The following ME1 variants were observed in gnomAD, a reference collection of about 807,000 sequenced individuals.
The protein encoded by ME1 is NADP-dependent malic enzyme.
Under a neutral mutation model 66.4 loss-of-function variants are expected in ME1, and 74 were observed. The ratio of observed to expected loss-of-function variants is 1.11; its 90% CI spans 0.92 to 1.35. The LOEUF (loss-of-function observed/expected upper bound fraction) is 1.35. Ranked by LOEUF, ME1 falls within the 40% of genes most tolerant of loss-of-function variation. The pLI is 0.00. For synonymous variants in ME1, 251 were observed against 235.6 expected (o/e 1.07, Z -0.60); for missense variants, 750 against 694.1 (o/e 1.08, Z -0.90).
intron 9 of ME1, 49 bp downstream of exon 9, chr6:83,237,668 C>A: frequency 1.9e-6 from 2 of 1,056,984 alleles, no homozygotes; most frequent in Non-Finnish European, 2.8e-6. Context: ...GATGGCCATC[C>A]AGAATGGCAT....
intron 6 of ME1, among the ~76,000 whole-genome samples, chr6:83,268,200 T>A (rs1364001857): frequency 6.6e-6 from 1 of 152,128 alleles, no homozygotes; most frequent in African/African-American, 2.4e-5. Flanking sequence ...AATAAAAAAA[T>A]TGATATTTAT....
Position 83,430,912 on chromosome 6 carries a change from CG to C in ME1, c.42del (p.Gly15AlafsTer4). The C allele has an allele frequency of 6.2e-7, 1 of 1,602,206 alleles. No individual in the cohort carries two copies. The highest frequency in any genetic ancestry group is 8.5e-7 in the Non-Finnish European group (1 of 1,174,876). On this transcript the variant is annotated frameshift_variant, in exon 1 of 14. Coordinates refer to ENST00000369705, the MANE Select transcript of ME1 (RefSeq NM_002395.6). LOFTEE classifies it high-confidence loss of function. Reference protein sequence around the residue: ...EAPRRRHTHQRGYLLTRNPHL... With the variant: ...EAPRRRHTHQXGYLLTRNPHL... ...TGAGGGTTCCGTGTCAGCAGGTAGC[CG>C]CGCTGATGGGTGTGGCGGCGACGGG...
chr6:83,356,701 T>C (rs1322036115), intron 3 of ME1, among the ~76,000 whole-genome samples: 1 of 152,114 alleles, frequency 6.6e-6, no homozygotes, highest in Non-Finnish European at 1.5e-5. Flanking sequence ...GATCATTAAG[T>C]GCAGTAAATT....
chr6:83,386,292 A>G (rs1414458276), intron 3 of ME1, among the ~76,000 whole-genome samples: 3 of 152,046 alleles, frequency 2.0e-5, no homozygotes, highest in Non-Finnish European at 4.4e-5. Context: ...CTAGAAATAC[A>G]GACAATTATA....
At chr6:83,417,370 TTTG>T (rs34696787) in intron 1 of ME1, among the ~76,000 whole-genome samples, 25 of 149,876 alleles carry the variant, frequency 1.7e-4, no homozygotes, top group Non-Finnish European at 2.4e-4. Context: ...TTTGTTGTTT[TTTG>T]TTGTTGTTGT....
At chr6:83,218,823 C>T (rs1759856199) in intron 12 of ME1, among the ~76,000 whole-genome samples, 1 of 152,112 alleles carries the variant, frequency 6.6e-6, no homozygotes, top group African/African-American at 2.4e-5. Flanking sequence ...CCCCAAATTC[C>T]TCAAAGTGCT....
intron 11 of ME1, among the ~76,000 whole-genome samples, chr6:83,225,096 G>A (rs1308664899): frequency 6.6e-6 from 1 of 150,882 alleles, no homozygotes; most frequent in African/African-American, 2.4e-5. Context: ...CAGCTACTCA[G>A]GAAGCTGAGG....
At chr6:83,223,669 T>C in intron 12 of ME1, 91 bp downstream of exon 12, 2 of 1,226,638 alleles carry the variant, frequency 1.6e-6, no homozygotes, top group Non-Finnish European at 2.3e-6. Context: ...GAGAGTAAGC[T>C]GAGATGCTAG....
intron 5 of ME1, among the ~76,000 whole-genome samples, chr6:83,331,378 C>T (rs928400344): frequency 4.5e-4 from 68 of 151,670 alleles, no homozygotes; most frequent in Admixed American, 3.9e-3. Flanking sequence ...TCACGAGGTC[C>T]GGAGTTTAAG....
chr6:83,265,931 A>G (rs1309728310), intron 6 of ME1, among the ~76,000 whole-genome samples: 1 of 152,226 alleles, frequency 6.6e-6, no homozygotes, highest in Non-Finnish European at 1.5e-5. Flanking sequence ...CTATAATTGA[A>G]TATGAATACT....
At chr6:83,364,616 G>A (rs1382379425) in intron 3 of ME1, among the ~76,000 whole-genome samples, 1 of 152,092 alleles carries the variant, frequency 6.6e-6, no homozygotes, top group Non-Finnish European at 1.5e-5. Flanking sequence ...ATCCAGGTGT[G>A]TTGCTGCTTC....
chr6:83,341,254 G>T (rs911628620), intron 5 of ME1, among the ~76,000 whole-genome samples: 1 of 152,070 alleles, frequency 6.6e-6, no homozygotes, highest in Non-Finnish European at 1.5e-5. Context: ...ATAGGAAAAT[G>T]GACACTTCAC....
At chr6:83,380,501 A>G (rs1433683330) in intron 3 of ME1, among the ~76,000 whole-genome samples, 1 of 152,096 alleles carries the variant, frequency 6.6e-6, no homozygotes, top group African/African-American at 2.4e-5. Context: ...CTAGCTAAAA[A>G]AAAGTGGCAA....
chr6:83,363,214 G>A (rs1038757068), intron 3 of ME1, among the ~76,000 whole-genome samples: 1 of 152,072 alleles, frequency 6.6e-6, no homozygotes, highest in Non-Finnish European at 1.5e-5. Context: ...TGGCCTAGAG[G>A]TCTTAGTTCC....
chr6:83,408,510 A>C (rs770968639), intron 1 of ME1, among the ~76,000 whole-genome samples: 17 of 152,174 alleles, frequency 1.1e-4, no homozygotes, highest in Admixed American at 2.0e-4. Context: ...TCTTACCTCA[A>C]ATGCTTCCTC....
intron 9 of ME1, among the ~76,000 whole-genome samples, chr6:83,230,769 A>G (rs1276111253): frequency 6.6e-6 from 1 of 152,086 alleles, no homozygotes; most frequent in Non-Finnish European, 1.5e-5. Flanking sequence ...GTCTCTACTA[A>G]AAATATACAA....
chr6:83,243,738 A>G (rs1790556707), intron 7 of ME1, among the ~76,000 whole-genome samples: 1 of 132,492 alleles, frequency 7.5e-6, no homozygotes, highest in Non-Finnish European at 1.5e-5. Flanking sequence ...TATAATATAT[A>G]ATTATATTAT....
chr6:83,408,750 A>T (rs1182919318), intron 1 of ME1, among the ~76,000 whole-genome samples: 3 of 152,236 alleles, frequency 2.0e-5, no homozygotes, highest in Non-Finnish European at 4.4e-5. Context: ...AGTCATTAAG[A>T]AAATGATGTG....
At chr6:83,394,533 T>A (rs867510059) in intron 3 of ME1, among the ~76,000 whole-genome samples, 4 of 152,208 alleles carry the variant, frequency 2.6e-5, no homozygotes, top group Admixed American at 6.5e-5. Flanking sequence ...GCCAACTCTT[T>A]TCTTTATACA....
Sources: gnomAD v4.1 joint callset for allele counts (sites outside exome capture counted in the v4.1 genomes callset) on GRCh38, gnomAD v4.1.1 for gene constraint, MANE v1.5 for transcripts, NCBI Gene and HGNC (gene_info 2026-07-23, HGNC 2026-07-21) for gene names.